The following TENM2 variants were observed in gnomAD, a reference collection of about 807,000 sequenced individuals.
The protein encoded by TENM2 is teneurin-2.
Under a neutral mutation model 245.2 loss-of-function variants are expected in TENM2, and 52 were observed. That is an observed-to-expected ratio of 0.21 (90% CI 0.17 to 0.27). The LOEUF is 0.27. Ranked by LOEUF, TENM2 falls within the 10% of genes least tolerant of loss-of-function variation. The probability of loss-of-function intolerance (pLI) is 1.00; values close to 1 mark genes in which losing one functional copy is unlikely to be tolerated. For missense variants in TENM2, 3,046 were observed against 3,666.8 expected (o/e 0.83, Z 4.37); for synonymous variants, 1,363 against 1,438.9 (o/e 0.95, Z 1.19).
At chr5:168,254,774 C>T (rs1004161195) in intron 27 of TENM2, among the ~76,000 whole-genome samples, 4 of 152,122 alleles carry the variant, frequency 2.6e-5, no homozygotes, top group South Asian at 2.1e-4. Context: ...CAGCCAGTTG[C>T]GGTGGCTTAC....
the TENM2 span, among the ~76,000 whole-genome samples, chr5:167,270,997 G>T: frequency 2.6e-5 from 4 of 152,102 alleles, no homozygotes; most frequent in African/African-American, 9.7e-5. Context: ...TCATGAAATT[G>T]GGAGCTTGAC....
intron 2 of TENM2, among the ~76,000 whole-genome samples, chr5:167,768,487 G>A (rs1042475625): frequency 2.0e-5 from 3 of 152,046 alleles, no homozygotes; most frequent in Admixed American, 6.5e-5. Context: ...GCCACATTTG[G>A]GCTTCCTATG....
At chr5:168,246,966 C>T (rs1766630968) in exon 27 of TENM2, 1 of 1,613,862 alleles carries the variant, frequency 6.2e-7, no homozygotes, top group South Asian at 1.1e-5. Context: ...TCCTGAAGAC[C>T]TCCTTTTTGG....
intron 12 of TENM2, among the ~76,000 whole-genome samples, chr5:168,158,229 A>G (rs768686180): frequency 2.6e-5 from 4 of 151,962 alleles, no homozygotes; most frequent in Non-Finnish European, 5.9e-5. Flanking sequence ...CTCTCTCTCT[A>G]TAGGTTGGAA....
chr5:168,156,351 C>G (rs887642019), intron 12 of TENM2, among the ~76,000 whole-genome samples: 1 of 149,146 alleles, frequency 6.7e-6, no homozygotes, highest in Non-Finnish European at 1.5e-5. Context: ...CATCTGGCTT[C>G]TCTGGCTTTC....
chr5:167,464,505 T>C (rs1002524754), intron 2 of TENM2, among the ~76,000 whole-genome samples: 1 of 152,158 alleles, frequency 6.6e-6, no homozygotes, highest in African/African-American at 2.4e-5. Flanking sequence ...AATCCCTTAA[T>C]GATGAATTGC....
At chr5:167,395,241 T>C (rs1729852058) in intron 2 of TENM2, among the ~76,000 whole-genome samples, 1 of 152,168 alleles carries the variant, frequency 6.6e-6, no homozygotes, top group Admixed American at 6.6e-5. Flanking sequence ...AAATATATTT[T>C]TGCTGCTATT....
chr5:167,082,659 A>G, the TENM2 span, among the ~76,000 whole-genome samples: 22 of 152,326 alleles, frequency 1.4e-4, 1 homozygote, highest in East Asian at 3.5e-3. Context: ...GTTTGCAACT[A>G]CTGTGACTCT....
chr5:167,369,684 T>C lies in TENM2; in HGVS notation c.227-5514T>C, dbSNP rs79906341. On this transcript the variant is annotated intron_variant, in intron 1 of 28. Coordinates refer to ENST00000518659, the Ensembl canonical transcript of TENM2. Reference sequence around the variant, plus strand: ...TGACTTTTCATGTTATTACAACTTTTATTTCTCTGTATAAAATGACTTCTC... The same window carrying C: ...TGACTTTTCATGTTATTACAACTTTCATTTCTCTGTATAAAATGACTTCTC... Among the ~76,000 whole-genome samples the C allele has an allele frequency of 6.6e-3, 999 of 152,320 alleles. 11 individuals carry two copies. Among genetic ancestry groups the C allele is most frequent in the African/African-American group, 0.023 (961 of 41,578 alleles).
intron 1 of TENM2, among the ~76,000 whole-genome samples, chr5:167,355,828 G>T (rs1338895822): frequency 6.6e-6 from 1 of 151,118 alleles, no homozygotes; most frequent in Admixed American, 6.6e-5. Context: ...AGAAAAGTTG[G>T]CATTTTAAAA....
intron 3 of TENM2, among the ~76,000 whole-genome samples, chr5:167,950,790 A>G (rs748203489): frequency 1.1e-4 from 17 of 152,286 alleles, no homozygotes; most frequent in Middle Eastern, 3.4e-3. Context: ...ACAGACAACA[A>G]TGCCAGAAAA....
chr5:168,238,161 G>A (rs937036287), intron 25 of TENM2, among the ~76,000 whole-genome samples: 17 of 63,430 alleles, frequency 2.7e-4, no homozygotes, highest in African/African-American at 9.9e-4. Flanking sequence ...GAAAGAAAGA[G>A]AGAGAGAGAG....
chr5:167,375,235 G>A, exon 2 of TENM2: 3 of 1,551,686 alleles, frequency 1.9e-6, no homozygotes, highest in Non-Finnish European at 2.6e-6. Flanking sequence ...GCATCTGTGA[G>A]CCCTCCCCAC....
intron 12 of TENM2, among the ~76,000 whole-genome samples, chr5:168,137,337 A>G (rs1025807607): frequency 1.3e-5 from 2 of 152,228 alleles, no homozygotes; most frequent in African/African-American, 4.8e-5. Context: ...GCATGTCATT[A>G]TTTCAAAAAG....
chr5:167,307,881 G>T (rs1259131241), intron 1 of TENM2: 2 of 152,200 alleles, frequency 1.3e-5, no homozygotes, highest in African/African-American at 4.8e-5. Flanking sequence ...GCTATCTTTT[G>T]TGGCTAGCTC....
chr5:167,067,198 C>T, the TENM2 span, among the ~76,000 whole-genome samples: 2 of 152,130 alleles, frequency 1.3e-5, no homozygotes, highest in Non-Finnish European at 2.9e-5. Flanking sequence ...TCAGTAATTT[C>T]TGTACCAGAC....
intron 5 of TENM2, among the ~76,000 whole-genome samples, chr5:167,993,539 G>T (rs973374567): frequency 6.6e-6 from 1 of 152,162 alleles, no homozygotes; most frequent in African/African-American, 2.4e-5. Flanking sequence ...TCTGTGCTTT[G>T]AAATGTATGC....
At chr5:167,813,332 G>C (rs149654694) in intron 2 of TENM2, among the ~76,000 whole-genome samples, 3 of 152,070 alleles carry the variant, frequency 2.0e-5, no homozygotes, top group East Asian at 3.9e-4. Flanking sequence ...GAAATATTAC[G>C]TGTCTGCCCA....
the TENM2 span, among the ~76,000 whole-genome samples, chr5:167,044,707 G>A: frequency 2.2e-4 from 33 of 152,284 alleles, 1 homozygote; most frequent in Admixed American, 1.8e-3. Flanking sequence ...TCATATTTCC[G>A]AGGACAAGAG....
Sources: allele counts gnomAD v4.1 joint callset (sites outside exome capture counted in the v4.1 genomes callset), GRCh38; gene constraint gnomAD v4.1.1; transcripts MANE v1.5; gene names NCBI Gene and HGNC (gene_info 2026-07-23, HGNC 2026-07-21).